Variants in CEP44 observed in about 807,000 individuals in gnomAD.
CEP44 encodes centrosomal protein 44, also known as centrosomal protein of 44 kDa.
CEP44 carries 45 observed loss-of-function variants against 46.7 expected under a neutral mutation model. That is an observed-to-expected ratio of 0.96 (90% confidence interval 0.76 to 1.24). The LOEUF is 1.24. CEP44 is among the 50% of genes most tolerant of loss of function. CEP44 has a pLI of 0.00. For missense variants in CEP44, 475 were observed against 459.7 expected (o/e 1.03, Z -0.30); for synonymous variants, 142 against 146.0 (o/e 0.97, Z 0.20).
rs1737581550 is a variant in CEP44 at position 174,286,311 on chromosome 4, C to T, written c.-148+2368C>T. Reference sequence around the variant, plus strand: ...CTTTCCTTATTTAAAGATAGAGAAACGGTGTGTAAAGGGATGATTTGTATC... The same window carrying T: ...CTTTCCTTATTTAAAGATAGAGAAATGGTGTGTAAAGGGATGATTTGTATC... On this transcript the variant is annotated intron_variant, in intron 1 of 11. Coordinates refer to ENST00000503780, the MANE Select transcript of CEP44 (RefSeq NM_001040157.3). The surrounding 1 kb of genome is among the most constrained non-coding windows in gnomAD (Gnocchi z 5.2). Among the ~76,000 whole-genome samples the T allele has an allele frequency of 6.6e-6, 1 of 152,070 alleles. No homozygotes were observed. Among genetic ancestry groups the T allele is most frequent in the Non-Finnish European group, 1.5e-5 (1 of 68,008 alleles).
At chr4:174,295,314 G>A (rs1363127036) in intron 1 of CEP44, among the ~76,000 whole-genome samples, 38 of 150,904 alleles carry the variant, frequency 2.5e-4, no homozygotes, top group Non-Finnish European at 4.1e-4. Flanking sequence ...AGACGGGGTC[G>A]CGGCCGGGTA....
In CEP44 at chr4:174,299,179, C is replaced by T; in HGVS notation, c.58C>T (p.Leu20=). 1 of 1,613,574 alleles carries T rather than the reference C, an allele frequency of 6.2e-7. No homozygotes were observed. Among genetic ancestry groups the T allele is most frequent in the Non-Finnish European group, 8.5e-7 (1 of 1,179,624 alleles). The part of the protein sequence containing the change: ...LRNLEQVLRL[L]NYPEEVDCVG... Reference sequence around the variant, plus strand: ...GAACCTAGAACAGGTGCTCCGCTTGCTAAATTATCCTGAAGAGGTGGACTG... The same window carrying T: ...GAACCTAGAACAGGTGCTCCGCTTGTTAAATTATCCTGAAGAGGTGGACTG... Residue 20 remains leucine, a synonymous_variant, in exon 3 of 12, where the codon CTA becomes TTA. Transcript: ENST00000503780.
intron 4 of CEP44, among the ~76,000 whole-genome samples, chr4:174,302,463 C>T (rs1270191232): frequency 6.6e-6 from 1 of 151,988 alleles, no homozygotes; most frequent in Admixed American, 6.5e-5. Context: ...ATTTGATATA[C>T]TGGCAGAAAT....
chr4:174,317,659 A>G lies in CEP44; in HGVS notation c.*276A>G. 9.8e-7 allele frequency: 1 copy of G among 1,024,364 alleles called. No individual in the cohort carries two copies. Among genetic ancestry groups the G allele is most frequent in the Non-Finnish European group, 1.2e-6 (1 of 854,686 alleles). The allele number at this position is 1,024,364 out of a possible 1,614,324, so 63.5% of individuals were successfully genotyped here. On this transcript the variant is annotated 3_prime_UTR_variant, in exon 12 of 12. Coordinates refer to ENST00000503780, the MANE Select transcript of CEP44 (RefSeq NM_001040157.3). Reference sequence around the variant, plus strand: ...CAGAGTGAAGTCATTACAGCACTGTATTTCTGTGTTGACATTTGTTGGCAG... The same window carrying G: ...CAGAGTGAAGTCATTACAGCACTGTGTTTCTGTGTTGACATTTGTTGGCAG...
intron 3 of CEP44, among the ~76,000 whole-genome samples, chr4:174,299,764 T>A (rs531863859): frequency 2.6e-5 from 4 of 152,326 alleles, no homozygotes; most frequent in Admixed American, 2.6e-4. Flanking sequence ...GACCCCACTT[T>A]GAACCTTTCA....
chr4:174,313,594 G>T (rs185770784), intron 9 of CEP44, among the ~76,000 whole-genome samples: 211 of 152,268 alleles, frequency 1.4e-3, no homozygotes, highest in Non-Finnish European at 2.0e-3. Context: ...GCAGAATAGT[G>T]ATTTGTTAGG....
chr4:174,295,274 G>A (rs1214483812), intron 1 of CEP44, among the ~76,000 whole-genome samples: 1 of 151,560 alleles, frequency 6.6e-6, no homozygotes, highest in Non-Finnish European at 1.5e-5. Flanking sequence ...CTCAGACGGA[G>A]CGGCTGGGCA....
intron 1 of CEP44, among the ~76,000 whole-genome samples, chr4:174,295,686 A>G (rs1643867587): frequency 6.6e-6 from 1 of 152,170 alleles, no homozygotes; most frequent in African/African-American, 2.4e-5. Context: ...ACTGCACTCC[A>G]GCCTGGGCAC....
At chr4:174,296,418 T>C (rs1015826075) in intron 1 of CEP44, among the ~76,000 whole-genome samples, 1 of 152,220 alleles carries the variant, frequency 6.6e-6, no homozygotes, top group African/African-American at 2.4e-5. Context: ...TTCAGTTTGG[T>C]CCTCTAATTT....
downstream of CEP44, among the ~76,000 whole-genome samples, chr4:174,323,050 T>C (rs538782958): frequency 2.0e-5 from 3 of 152,140 alleles, no homozygotes; most frequent in Admixed American, 6.6e-5. Flanking sequence ...CAGCAAATTT[T>C]TAGAGAAAAT....
rs1242138229 is a variant in CEP44, at chr4:174,299,205, T to C, written c.84T>C (p.Cys28=). Residue 28 remains cysteine, a synonymous_variant, in exon 3 of 12, where the codon TGT becomes TGC. Coordinates refer to ENST00000503780, the MANE Select transcript of CEP44 (RefSeq NM_001040157.3). ...TAAATTATCCTGAAGAGGTGGACTG[T>C]GTAGGGTAAGCTATAATATCAAACT... ...RLLNYPEEVD[C]VGLIKGDPAA... The C allele has an allele frequency of 6.2e-7, 1 of 1,607,778 alleles. No homozygotes were observed. Among genetic ancestry groups the C allele is most frequent in the Non-Finnish European group, 8.5e-7 (1 of 1,176,068 alleles).
chr4:174,307,525 G>C (rs1380547828), intron 6 of CEP44, among the ~76,000 whole-genome samples: 1 of 152,158 alleles, frequency 6.6e-6, no homozygotes, highest in Non-Finnish European at 1.5e-5. Context: ...GACAACCTAG[G>C]CAGTACCATT....
At chr4:174,325,068 A>C (rs941427186), downstream of CEP44, among the ~76,000 whole-genome samples, 1 of 152,190 alleles carries the variant, frequency 6.6e-6, no homozygotes, top group African/African-American at 2.4e-5. The surrounding 1 kb of genome is among the most constrained non-coding windows in gnomAD (Gnocchi z 4.4). Flanking sequence ...TGATTAAAAC[A>C]GTGTGTAATG....
chr4:174,324,133 TTTATA>T (rs1283820150), downstream of CEP44, among the ~76,000 whole-genome samples: 4 of 152,164 alleles, frequency 2.6e-5, no homozygotes, highest in African/African-American at 9.7e-5. Context: ...TTGCTAGAGT[TTTATA>T]TTAATATCAT....
upstream of CEP44, chr4:174,283,866 G>T (rs1737222126): frequency 2.5e-6 from 1 of 398,978 alleles, no homozygotes; most frequent in Non-Finnish European, 4.4e-6. The surrounding 1 kb of genome is among the most constrained non-coding windows in gnomAD (Gnocchi z 6.7). Context: ...CTTCACAGGA[G>T]TCTTGAACGC....
chr4:174,299,119 G>C lies in CEP44; in HGVS notation c.-3G>C. ...GAATTGGAGCTGAATCTGATGTTAA[G>C]TAATGGCAACAGGTGACTTAAAAAG... is the stretch of plus-strand genomic sequence containing the variant. On this transcript the variant is annotated 5_prime_UTR_variant, in exon 3 of 12. Coordinates refer to ENST00000503780, the MANE Select transcript of CEP44 (RefSeq NM_001040157.3). The C allele has an allele frequency of 6.2e-7, 1 of 1,609,676 alleles. No individual in the cohort carries two copies. Among genetic ancestry groups the C allele is most frequent in the Non-Finnish European group, 8.5e-7 (1 of 1,178,588 alleles).
In CEP44 at chr4:174,319,927, AACTTG is replaced by A. The variant is rs2126683048; in HGVS notation, c.*2546_*2550del. ...AGTTATAAACTAGCCACTGTTGATTAACTTGAGAAGGTGAAGCAGGGGAGTTCTGA... is the reference window on the plus strand; with the variant it reads ...AGTTATAAACTAGCCACTGTTGATTAAGAAGGTGAAGCAGGGGAGTTCTGA... On this transcript the variant is annotated 3_prime_UTR_variant, in exon 12 of 12. Transcript: ENST00000503780. 1.0e-6 allele frequency: 1 copy of A among 985,266 alleles called. No individual in the cohort carries two copies. The highest frequency in any genetic ancestry group is 6.1e-5 in the Admixed American group (1 of 16,282). 61.0% of individuals were successfully genotyped at this position (985,266 alleles called of 1,614,324 possible).
chr4:174,305,676 T>G (rs548727845), intron 6 of CEP44, among the ~76,000 whole-genome samples: 169 of 152,194 alleles, frequency 1.1e-3, no homozygotes, highest in Non-Finnish European at 2.1e-3. Flanking sequence ...ATTTTCTAAC[T>G]GTTAAATGAC....
intron 11 of CEP44, among the ~76,000 whole-genome samples, chr4:174,316,895 TAATA>T (rs1741789733): frequency 6.6e-6 from 1 of 152,262 alleles, no homozygotes; most frequent in Middle Eastern, 3.4e-3. Context: ...AAATATTAAA[TAATA>T]TATATAGATG....
Sources: gnomAD v4.1 joint callset for allele counts (sites outside exome capture counted in the v4.1 genomes callset) on GRCh38, gnomAD v4.1.1 for gene constraint, Gnocchi (gnomAD v3.1) non-coding constraint, MANE v1.5 for transcripts, NCBI Gene and HGNC (gene_info 2026-07-23, HGNC 2026-07-21) for gene names.